Variants in ANXA10 observed in about 807,000 individuals in gnomAD.
ANXA10 encodes annexin A10.
A neutral mutation model predicts 53.5 loss-of-function variants in ANXA10; 49 were observed. The observed-to-expected ratio is 0.92, with a 90% confidence interval of 0.73 to 1.16. The LOEUF is 1.16. Among genes scored for constraint, ANXA10 ranks in the 50% most tolerant of loss-of-function variants. The pLI, the probability that ANXA10 is intolerant of heterozygous loss-of-function variation, is 0.00. For missense variants in ANXA10, 393 were observed against 394.4 expected (o/e 1.00, Z 0.03); for synonymous variants, 131 against 128.9 (o/e 1.02, Z -0.11).
intron 3 of ANXA10, among the ~76,000 whole-genome samples, chr4:168,140,388 A>C (rs574421432): frequency 6.6e-6 from 1 of 152,336 alleles, no homozygotes; most frequent in African/African-American, 2.4e-5. Flanking sequence ...GATATCCCTC[A>C]GCTTTAGATT....
In ANXA10 at chr4:168,092,584, T is replaced by A; in HGVS notation, c.-117T>A. 1 of 1,034,814 alleles carries A rather than the reference T, an allele frequency of 9.7e-7. No homozygotes were observed. The highest frequency in any genetic ancestry group is 1.5e-5 in the South Asian group (1 of 68,538). 64.1% of individuals were successfully genotyped at this position (1,034,814 alleles called of 1,614,324 possible). ...TCTTGCCTGAGTCTGAGGTGAACAG[T>A]GAACATATTTACATTTGATTTAACA... On this transcript the variant is annotated 5_prime_UTR_variant, in exon 1 of 12. Transcript: ENST00000359299.
At chr4:168,109,171 G>A (rs911950404) in intron 1 of ANXA10, among the ~76,000 whole-genome samples, 1 of 151,988 alleles carries the variant, frequency 6.6e-6, no homozygotes, top group Non-Finnish European at 1.5e-5. Flanking sequence ...TTTCTGCTAT[G>A]TACCCATCAG....
At chr4:168,151,046 T>TG (rs1240917484) in intron 3 of ANXA10, among the ~76,000 whole-genome samples, 1 of 152,186 alleles carries the variant, frequency 6.6e-6, no homozygotes, top group South Asian at 2.1e-4. Context: ...AAGATTGCTC[T>TG]GGGGCCCCCT....
intron 6 of ANXA10, among the ~76,000 whole-genome samples, chr4:168,176,081 A>T (rs569957887): frequency 6.6e-6 from 1 of 152,246 alleles, no homozygotes; most frequent in East Asian, 1.9e-4. Flanking sequence ...CCAAGAAGGC[A>T]ATTGGTAGAG....
chr4:168,121,251 T>A (rs1447447287), intron 1 of ANXA10, among the ~76,000 whole-genome samples: 2 of 152,098 alleles, frequency 1.3e-5, no homozygotes, highest in Non-Finnish European at 2.9e-5. Flanking sequence ...AGGCATGAAC[T>A]GTTTTCTATT....
chr4:168,156,515 T>G (rs1349569036), intron 3 of ANXA10, among the ~76,000 whole-genome samples: 1 of 146,124 alleles, frequency 6.8e-6, no homozygotes, highest in Non-Finnish European at 1.5e-5. Flanking sequence ...TTTGTTTTGT[T>G]TTTTTGAGAC....
In ANXA10 at chr4:168,164,288, C is replaced by A. The variant is rs570015519; in HGVS notation, c.400C>A (p.Gln134Lys). ...CCAGATGCGAGAAGCCTACTGCTTG[C>A]GTAAGGAAATATACATATGTGAATA... Reference protein sequence around the residue: ...IFQMREAYCLQYSNNLQEDIY... With the variant: ...IFQMREAYCLKYSNNLQEDIY... The change falls in exon 5 of 12, where the codon CAA becomes AAA. Residue 134 changes from glutamine (Q) to lysine (K), a missense_variant and splice_region_variant. Physicochemically the swap from Gln to Lys is moderately conservative, Grantham distance 53 (BLOSUM62 1). Transcript: ENST00000359299. The A allele has an allele frequency of 1.2e-6, 2 of 1,600,310 alleles. No individual in the cohort carries two copies. Among genetic ancestry groups the A allele is most frequent in the Admixed American group, 1.7e-5 (1 of 59,780 alleles).
At chr4:168,158,643 T>C (rs1731729826) in intron 3 of ANXA10, among the ~76,000 whole-genome samples, 1 of 152,184 alleles carries the variant, frequency 6.6e-6, no homozygotes, top group Non-Finnish European at 1.5e-5. Flanking sequence ...TCTTAGAGGA[T>C]AAGCATTTAG....
intron 3 of ANXA10, among the ~76,000 whole-genome samples, chr4:168,156,264 A>ATATATTATATATAATAGTACATATTATAT (rs1731672510): frequency 2.1e-4 from 7 of 33,366 alleles, no homozygotes; most frequent in Non-Finnish European, 3.7e-4. Context: ...TATATAATGT[A>ATATATTATATATAATAGTACATATTATAT]TATATTATAT....
At chr4:168,096,911 C>CATATATATATAT (rs35451323) in intron 1 of ANXA10, among the ~76,000 whole-genome samples, 55 of 109,646 alleles carry the variant, frequency 5.0e-4, no homozygotes, top group African/African-American at 2.5e-3. Context: ...AATACAAATG[C>CATATATATATAT]ATATATATAT....
intron 2 of ANXA10, among the ~76,000 whole-genome samples, chr4:168,130,999 T>C (rs959160137): frequency 1.1e-4 from 17 of 151,946 alleles, no homozygotes; most frequent in Admixed American, 9.2e-4. Context: ...AATTCATTGA[T>C]TATTGCTCTA....
Position 168,187,406 on chromosome 4 carries a change from T to C in ANXA10, c.947T>C (p.Ile316Thr). The part of the protein sequence containing the change: ...SGHYKKALLA[I>T]CAGDAEDY ...CATTATAAGAAAGCACTGCTTGCCA[T>C]CTGTGCTGGTGATGCTGAGGACTAC... Residue 316 changes from isoleucine (I) to threonine (T), a missense_variant, in exon 12 of 12, where the codon ATC becomes ACC. Coordinates refer to ENST00000359299, the MANE Select transcript of ANXA10 (RefSeq NM_007193.5). The C allele has an allele frequency of 6.3e-7, 1 of 1,599,424 alleles. No individual in the cohort carries two copies. The highest frequency in any genetic ancestry group is 8.5e-7 in the Non-Finnish European group (1 of 1,171,662).
At chr4:168,184,296 C>T (rs566095296) in intron 10 of ANXA10, among the ~76,000 whole-genome samples, 77 of 152,212 alleles carry the variant, frequency 5.1e-4, no homozygotes, top group Non-Finnish European at 9.3e-4. Flanking sequence ...GGGTCAGAGT[C>T]AAGGTCGTGG....
intron 11 of ANXA10, 58 bp from the exon 12 acceptor site, chr4:168,187,308 T>G (rs564721049): frequency 8.6e-5 from 102 of 1,184,462 alleles, no homozygotes; most frequent in Middle Eastern, 8.2e-4. Flanking sequence ...GGAATTATGC[T>G]TCCTTTTTAG....
intron 3 of ANXA10, among the ~76,000 whole-genome samples, chr4:168,158,869 G>T (rs1014285064): frequency 6.6e-6 from 1 of 152,156 alleles, no homozygotes; most frequent in African/African-American, 2.4e-5. Flanking sequence ...CTGAAGATAG[G>T]TGTTTGGGTC....
intron 1 of ANXA10, among the ~76,000 whole-genome samples, chr4:168,121,643 C>T (rs906026197): frequency 6.6e-6 from 1 of 152,010 alleles, no homozygotes; most frequent in Non-Finnish European, 1.5e-5. Flanking sequence ...ACATTTGGTG[C>T]TTATTCAACA....
At chr4:168,099,691 G>A (rs937352579) in intron 1 of ANXA10, among the ~76,000 whole-genome samples, 3 of 151,902 alleles carry the variant, frequency 2.0e-5, no homozygotes, top group Admixed American at 6.6e-5. Flanking sequence ...GACTGTGGGC[G>A]GCTATGCTTG....
chr4:168,139,586 G>A lies in ANXA10; in HGVS notation c.195+6G>A, dbSNP rs777901066. ...ACCAGAGCATGTATGGCCGGGTAAG[G>A]CCACTTTATCTTGACCTATTTCTAG... On this transcript the variant is annotated splice_donor_region_variant and intron_variant, in intron 3 of 11. Transcript: ENST00000359299. 6.2e-7 allele frequency: 1 copy of A among 1,605,510 alleles called. No homozygotes were observed. The highest frequency in any genetic ancestry group is 8.5e-7 in the Non-Finnish European group (1 of 1,173,134).
intron 4 of ANXA10, among the ~76,000 whole-genome samples, chr4:168,163,753 AAAATTC>A (rs1400556887): frequency 2.0e-5 from 3 of 152,176 alleles, no homozygotes; most frequent in African/African-American, 7.2e-5. Context: ...CAAATTGTAC[AAAATTC>A]CACATCTAGA....
Sources: gnomAD v4.1 joint callset for allele counts (sites outside exome capture counted in the v4.1 genomes callset) on GRCh38, gnomAD v4.1.1 for gene constraint, MANE v1.5 for transcripts, NCBI Gene and HGNC (gene_info 2026-07-23, HGNC 2026-07-21) for gene names.